TLE2: variants seen among roughly 807,000 people sequenced by gnomAD.
TLE2 encodes the protein TLE family member 2, transcriptional corepressor.
Under a neutral mutation model 97.2 loss-of-function variants are expected in TLE2, and 74 were observed. The ratio of observed to expected loss-of-function variants is 0.76; its 90% CI spans 0.63 to 0.92. TLE2 has a LOEUF of 0.92. Ranked by LOEUF, TLE2 falls within the 40% of genes least tolerant of loss-of-function variation. TLE2 has a pLI of 0.00. For missense variants in TLE2, 1,038 were observed against 1,008.7 expected, an observed-to-expected ratio of 1.03 and a Z score of -0.39; for synonymous variants, 499 against 432.1, an observed-to-expected ratio of 1.15 and a Z score of -1.92.
intron 5 of TLE2, among the ~76,000 whole-genome samples, chr19:3,021,478 C>G (rs2089842820): frequency 6.6e-6 from 1 of 152,064 alleles, no homozygotes; most frequent in Non-Finnish European, 1.5e-5. Flanking sequence ...TGTGTGGCCA[C>G]CAGGCATTTG....
upstream of TLE2, among the ~76,000 whole-genome samples, chr19:3,032,001 C>G (rs1436372290): frequency 6.6e-6 from 1 of 152,116 alleles, no homozygotes; most frequent in Non-Finnish European, 1.5e-5. This position sits in a 1 kb window ranked among gnomAD's most constrained non-coding sequence, Gnocchi z 4.1. Flanking sequence ...GATCTCGGCT[C>G]ACTGCTGCAA....
upstream of TLE2, among the ~76,000 whole-genome samples, chr19:3,033,938 CA>C: frequency 6.6e-6 from 1 of 151,096 alleles, no homozygotes; most frequent in African/African-American, 2.5e-5. Context: ...CTCTGGCTTC[CA>C]GGGCTCTGAG....
intron 5 of TLE2, among the ~76,000 whole-genome samples, chr19:3,023,833 A>G (rs1599238102): frequency 6.6e-6 from 1 of 151,576 alleles, no homozygotes; most frequent in South Asian, 2.1e-4. Flanking sequence ...TGGAGGTTGC[A>G]GTCAGCCAAG....
In TLE2 at chr19:3,019,427, CA is replaced by C. The variant is rs2089791252; in HGVS notation, c.405del (p.Val136CysfsTer156). The C allele has an allele frequency of 7.8e-6, 12 of 1,535,856 alleles. No individual in the cohort carries two copies. Among genetic ancestry groups the C allele is most frequent in the Non-Finnish European group, 1.0e-5 (12 of 1,146,414 alleles). The stretch of plus-strand genomic sequence containing the variant: ...CCGGCTGGGCGGGGGGTGAGGGGCA[CA>C]GGGGGTGCGTGGTGGGACAGCGGCT... ...QLQPLSHHAP[P>X]VPLTPRPAGL... On this transcript the variant is annotated frameshift_variant, in exon 7 of 20. Coordinates refer to ENST00000262953, the MANE Select transcript of TLE2 (RefSeq NM_003260.5). LOFTEE classifies it high-confidence loss of function. The surrounding 1 kb of genome is among the most constrained non-coding windows in gnomAD (Gnocchi z 5.1).
rs371649754 is a variant in TLE2 at position 3,024,888 on chromosome 19, T to C, written c.294+132A>G. The C allele has an allele frequency of 4.9e-5, 37 of 758,902 alleles. No individual in the cohort carries two copies. In the African/African-American group the frequency reaches 6.2e-4, roughly 13 times the overall value. The allele number at this position is 758,902 out of a possible 1,614,324, so 47.0% of individuals were successfully genotyped here. ...CCTCAGGGCTGCGGGACTACTGCAG[T>C]GAAAATGGTCTCTATCCGTGCTGCA... On this transcript the variant is annotated intron_variant, in intron 5 of 19. Coordinates refer to ENST00000262953, the MANE Select transcript of TLE2 (RefSeq NM_003260.5).
At chr19:3,030,377 G>C (rs115416951), upstream of TLE2, among the ~76,000 whole-genome samples, 2,520 of 152,332 alleles carry the variant, frequency 0.017, 63 homozygotes, top group African/African-American at 0.055. Context: ...CACCCGGGGA[G>C]TGGGAAGTTC....
At chr19:3,003,095 G>A (rs1318740927) in intron 17 of TLE2, among the ~76,000 whole-genome samples, 1 of 152,168 alleles carries the variant, frequency 6.6e-6, no homozygotes, top group African/African-American at 2.4e-5. Flanking sequence ...CTAGAGAAAG[G>A]CAGCTGGCCC....
intron 4 of TLE2, among the ~76,000 whole-genome samples, chr19:3,027,048 A>C (rs1404255738): frequency 3.5e-5 from 5 of 143,048 alleles, no homozygotes; most frequent in South Asian, 2.3e-4. Flanking sequence ...TATCTCAGAA[A>C]ACTGAGGTCA....
Position 2,997,705 on chromosome 19 carries a change from GGGAAGGT to G in TLE2, c.*136_*142del, listed in dbSNP as rs1479902326. 1 of 622,436 alleles carries G rather than the reference GGGAAGGT, an allele frequency of 1.6e-6. No individual in the cohort carries two copies. Among genetic ancestry groups the G allele is most frequent in the South Asian group, 1.9e-5 (1 of 51,920 alleles). 38.6% of individuals were successfully genotyped at this position (622,436 alleles called of 1,614,324 possible). A position where few individuals can be genotyped will look rare whatever the true frequency, so the allele number is the denominator to read the frequency against. Reference sequence around the variant, plus strand: ...GCCCATCGGCCCCCACATGCAGCAGGGGAAGGTGTGAAGCCGTTGGCCAGAGAGCAGA... The same window carrying G: ...GCCCATCGGCCCCCACATGCAGCAGGGTGAAGCCGTTGGCCAGAGAGCAGA... On this transcript the variant is annotated 3_prime_UTR_variant, in exon 20 of 20. Transcript: ENST00000262953.
chr19:3,012,883 T>A (rs978020611), intron 11 of TLE2, among the ~76,000 whole-genome samples: 1 of 148,614 alleles, frequency 6.7e-6, no homozygotes, highest in Non-Finnish European at 1.5e-5. Context: ...CGCGAGAGAG[T>A]GGATGGGACG....
intron 18 of TLE2, 138 bp downstream of exon 18, chr19:3,002,215 C>T: frequency 1.8e-6 from 2 of 1,098,690 alleles, no homozygotes; most frequent in African/African-American, 1.6e-5. Context: ...TATACTTGTA[C>T]TAACGATTTG....
intron 11 of TLE2, among the ~76,000 whole-genome samples, chr19:3,013,197 T>A (rs989362653): frequency 1.3e-5 from 2 of 152,098 alleles, no homozygotes; most frequent in Admixed American, 1.3e-4. Flanking sequence ...ATGGCTCACA[T>A]GCCTGGCATT....
intron 17 of TLE2, among the ~76,000 whole-genome samples, chr19:3,003,650 CA>C (rs199649418): frequency 7.1e-6 from 1 of 140,124 alleles, no homozygotes; most frequent in African/African-American, 2.6e-5. Flanking sequence ...AAACAAAAAA[CA>C]AAAAAAATAA....
In TLE2 at chr19:3,006,470, C is replaced by A; in HGVS notation, c.1450G>T (p.Asp484Tyr). 6.2e-7 allele frequency: 1 copy of A among 1,611,052 alleles called. No individual in the cohort carries two copies. The highest frequency in any genetic ancestry group is 8.5e-7 in the Non-Finnish European group (1 of 1,179,618). The change falls in exon 15 of 20, where the codon GAC (aspartate) becomes TAC (tyrosine). Residue 484 changes from aspartate to tyrosine, a missense_variant. Physicochemically the swap from Asp to Tyr is radical, Grantham distance 160 (BLOSUM62 -3). Transcript: ENST00000262953. The part of the protein sequence containing the change: ...TGGKGCVKVW[D>Y]VGQPGAKTPV... ...GTCTTGGCCCCAGGCTGGCCCACGTCCCACACCTTCACACAGCCCTTGCCG... is the reference window on the plus strand; with the variant it reads ...GTCTTGGCCCCAGGCTGGCCCACGTACCACACCTTCACACAGCCCTTGCCG...
At chr19:3,042,978 T>A (rs1036058896) in intron 1 of TLE2, among the ~76,000 whole-genome samples, 1 of 152,088 alleles carries the variant, frequency 6.6e-6, no homozygotes, top group Non-Finnish European at 1.5e-5. Context: ...CTCTAGTTTT[T>A]AATTAATTTA....
At chr19:3,011,392 C>T (rs917905963) in intron 11 of TLE2, among the ~76,000 whole-genome samples, 1 of 151,320 alleles carries the variant, frequency 6.6e-6, no homozygotes, top group Non-Finnish European at 1.5e-5. Context: ...ATTAGCCGGG[C>T]GTGGTGGCAT....
intron 19 of TLE2, 121 bp from the exon 20 acceptor site, chr19:2,998,076 G>C: frequency 1.5e-6 from 1 of 665,972 alleles, no homozygotes; most frequent in South Asian, 1.8e-5. Context: ...AGAGTGACGT[G>C]TTTCTTTTTT....
chr19:3,026,489 C>T (rs1002540032), intron 4 of TLE2, among the ~76,000 whole-genome samples: 1 of 149,828 alleles, frequency 6.7e-6, no homozygotes. Flanking sequence ...ATCTTTAGGT[C>T]TATCTCAGAA....
intron 5 of TLE2, among the ~76,000 whole-genome samples, chr19:3,021,428 G>A (rs1021528902): frequency 6.6e-6 from 1 of 151,910 alleles, no homozygotes; most frequent in African/African-American, 2.4e-5. Flanking sequence ...GAAAGAAAAT[G>A]TTGTATTTTT....
Sources: allele counts gnomAD v4.1 joint callset (sites outside exome capture counted in the v4.1 genomes callset), GRCh38; gene constraint gnomAD v4.1.1; non-coding constraint Gnocchi (gnomAD v3.1); transcripts MANE v1.5; gene names NCBI Gene and HGNC (gene_info 2026-07-23, HGNC 2026-07-21).